Variants in CHRM3 observed in about 807,000 individuals in gnomAD.
The protein encoded by CHRM3 is cholinergic receptor muscarinic 3.
CHRM3 carries 11 observed loss-of-function variants against 41.8 expected under a neutral mutation model. The observed-to-expected ratio is 0.26, with a 90% CI of 0.17 to 0.44. The LOEUF (loss-of-function observed/expected upper bound fraction) is 0.44, where lower values mean the gene tolerates loss of function less well. Ranked by LOEUF, CHRM3 falls within the 20% of genes least tolerant of loss-of-function variation. The probability of loss-of-function intolerance (pLI) is 1.00; values close to 1 mark genes in which losing one functional copy is unlikely to be tolerated. For synonymous variants in CHRM3, 297 were observed against 301.4 expected (o/e 0.99, Z 0.15); for missense variants, 571 against 745.4 (o/e 0.77, Z 2.72).
intron 6 of CHRM3, among the ~76,000 whole-genome samples, chr1:239,888,891 G>A (rs909005400): frequency 2.0e-5 from 3 of 152,214 alleles, no homozygotes; most frequent in African/African-American, 7.2e-5. Context: ...CATGGTTTAT[G>A]CAGACTGAGT....
intron 6 of CHRM3, among the ~76,000 whole-genome samples, chr1:239,888,552 C>G: frequency 6.8e-6 from 1 of 147,038 alleles, no homozygotes. Flanking sequence ...GAGCCATGAT[C>G]GCACTACTGC....
At chr1:239,617,073 A>G (rs1168307796) in intron 3 of CHRM3, among the ~76,000 whole-genome samples, 1 of 152,142 alleles carries the variant, frequency 6.6e-6, no homozygotes, top group Non-Finnish European at 1.5e-5. Flanking sequence ...TGTGCAGGGC[A>G]TCATTTAGCA....
intron 5 of CHRM3, among the ~76,000 whole-genome samples, chr1:239,824,759 A>G (rs1045642753): frequency 1.3e-5 from 2 of 152,246 alleles, no homozygotes; most frequent in Admixed American, 6.5e-5. Context: ...TTATAGTAAC[A>G]TGGGACAAAC....
intron 3 of CHRM3, among the ~76,000 whole-genome samples, chr1:239,592,284 T>A (rs936595166): frequency 1.3e-5 from 2 of 152,224 alleles, no homozygotes; most frequent in Non-Finnish European, 2.9e-5. Context: ...GCTTTGTCCC[T>A]CTAACATATA....
chr1:239,823,908 TG>T (rs1672249413), intron 5 of CHRM3, among the ~76,000 whole-genome samples: 1 of 152,152 alleles, frequency 6.6e-6, no homozygotes, highest in Non-Finnish European at 1.5e-5. Flanking sequence ...AAACTATAAC[TG>T]TGTAATTGTG....
intron 6 of CHRM3, among the ~76,000 whole-genome samples, chr1:239,889,281 A>G (rs1168626239): frequency 3.3e-5 from 5 of 152,176 alleles, no homozygotes; most frequent in Admixed American, 2.6e-4. Context: ...GGCTAGGACT[A>G]GGTGCACTAT....
At chr1:239,723,723 A>G (rs1166469454) in intron 5 of CHRM3, among the ~76,000 whole-genome samples, 1 of 151,908 alleles carries the variant, frequency 6.6e-6, no homozygotes, top group Non-Finnish European at 1.5e-5. Flanking sequence ...AGATGTGTGT[A>G]GAATTAGAGT....
intron 6 of CHRM3, among the ~76,000 whole-genome samples, chr1:239,841,561 T>C (rs1038052213): frequency 6.6e-6 from 1 of 152,112 alleles, no homozygotes; most frequent in Admixed American, 6.5e-5. Context: ...AGAAGTCCCA[T>C]ATGGTTGCAA....
chr1:239,897,428 G>A (rs1047405057), intron 6 of CHRM3, among the ~76,000 whole-genome samples: 1 of 152,052 alleles, frequency 6.6e-6, no homozygotes, highest in African/African-American at 2.4e-5. Flanking sequence ...GAAATATTTA[G>A]TCCAAATGAC....
chr1:239,745,452 T>A (rs893572636), intron 5 of CHRM3, among the ~76,000 whole-genome samples: 20 of 149,990 alleles, frequency 1.3e-4, no homozygotes, highest in Admixed American at 7.3e-4. Flanking sequence ...AAAAAAAAAA[T>A]TTCCAAAGGG....
At chr1:239,483,479 C>G (rs990605860) in intron 1 of CHRM3, among the ~76,000 whole-genome samples, 5 of 152,320 alleles carry the variant, frequency 3.3e-5, no homozygotes, top group South Asian at 2.1e-4. Context: ...AGATGGTTGT[C>G]CCTCCAAAGA....
At chr1:239,593,062 C>CA (rs1036433584) in intron 3 of CHRM3, among the ~76,000 whole-genome samples, 1 of 152,042 alleles carries the variant, frequency 6.6e-6, no homozygotes, top group African/African-American at 2.4e-5. Flanking sequence ...ATGTCTAGCC[C>CA]AGTTGCAACT....
At chr1:239,779,796 C>G (rs1011862525) in intron 5 of CHRM3, among the ~76,000 whole-genome samples, 5 of 152,220 alleles carry the variant, frequency 3.3e-5, no homozygotes, top group Admixed American at 2.0e-4. Flanking sequence ...ATTCATTCCT[C>G]CCTGCACCCT....
chr1:239,420,765 G>A (rs1661890435), intron 1 of CHRM3, among the ~76,000 whole-genome samples: 1 of 152,068 alleles, frequency 6.6e-6, no homozygotes, highest in Non-Finnish European at 1.5e-5. Context: ...ATGGTTAGAA[G>A]TTTAAATGTA....
intron 6 of CHRM3, among the ~76,000 whole-genome samples, chr1:239,828,684 G>A (rs619652): frequency 0.7 from 105,771 of 151,812 alleles, 41,230 homozygotes; most frequent in East Asian, 0.93. Flanking sequence ...GTGGGCAAGG[G>A]GAGAGGGGTA....
At chr1:239,630,868 A>G (rs1480933325) in intron 3 of CHRM3, among the ~76,000 whole-genome samples, 3 of 86,400 alleles carry the variant, frequency 3.5e-5, no homozygotes, top group Non-Finnish European at 4.9e-5. Flanking sequence ...CCTTCCTTCC[A>G]TAAGACACTT....
chr1:239,656,128 G>A (rs1404819141), intron 4 of CHRM3, among the ~76,000 whole-genome samples: 2 of 152,010 alleles, frequency 1.3e-5, no homozygotes, highest in Admixed American at 1.3e-4. Flanking sequence ...AGAAGGAAAG[G>A]ATAAACACTG....
In CHRM3 at chr1:239,653,471, G is replaced by T. The variant is rs146463543; in HGVS notation, c.-250+21185G>T. 5.1e-4 allele frequency among the ~76,000 whole-genome samples: 77 copies of T among 152,294 alleles called. No homozygotes were observed. The East Asian group carries it at 0.012, about 23-fold the overall frequency. Reference sequence around the variant, plus strand: ...GTGGGAAGTAGCTTCAGAAGGGCCTGACTGAAGTTTGGTCAAGGATGGAAT... The same window carrying T: ...GTGGGAAGTAGCTTCAGAAGGGCCTTACTGAAGTTTGGTCAAGGATGGAAT... On this transcript the variant is annotated intron_variant, in intron 4 of 6. Transcript: ENST00000676153.
intron 5 of CHRM3, among the ~76,000 whole-genome samples, chr1:239,685,077 C>A (rs2149115516): frequency 6.6e-6 from 1 of 152,304 alleles, no homozygotes; most frequent in Non-Finnish European, 1.5e-5. Flanking sequence ...TTAACCTCTG[C>A]CTACCTTCTC....
Sources: allele counts gnomAD v4.1 joint callset (sites outside exome capture counted in the v4.1 genomes callset), GRCh38; gene constraint gnomAD v4.1.1; transcripts MANE v1.5; gene names NCBI Gene and HGNC (gene_info 2026-07-23, HGNC 2026-07-21).